Variants in ATF6 observed in about 807,000 individuals in gnomAD.
The protein encoded by ATF6 is cyclic AMP-dependent transcription factor ATF-6 alpha.
In ATF6, 53 loss-of-function variants were observed where a neutral mutation model predicts 83.6. That is an observed-to-expected ratio of 0.63 (90% CI 0.51 to 0.80). The LOEUF is 0.80. Among genes scored for constraint, ATF6 ranks in the 30% least tolerant of loss-of-function variants. ATF6 has a pLI of 0.00. For missense variants in ATF6, 744 were observed against 797.9 expected (o/e 0.93, Z 0.81); for synonymous variants, 288 against 285.8 (o/e 1.01, Z -0.08).
At chr1:161,813,735 A>T (rs1685532993) in intron 7 of ATF6, among the ~76,000 whole-genome samples, 1 of 152,012 alleles carries the variant, frequency 6.6e-6, no homozygotes, top group African/African-American at 2.4e-5. Context: ...AGGTGACGTG[A>T]TTTATTTTTA....
At chr1:161,939,586 T>C (rs1362222036) in intron 15 of ATF6, among the ~76,000 whole-genome samples, 2 of 152,242 alleles carry the variant, frequency 1.3e-5, no homozygotes, top group African/African-American at 4.8e-5. Context: ...GATAGCTTGT[T>C]AGTACTGGAG....
In ATF6 at chr1:161,821,052, T is replaced by A. The variant is rs775960355; in HGVS notation, c.1096-18T>A. On this transcript the variant is annotated intron_variant, in intron 8 of 15. Coordinates refer to ENST00000367942, the MANE Select transcript of ATF6 (RefSeq NM_007348.4). The stretch of plus-strand genomic sequence containing the variant: ...TCGATGTTAGTTTAATTGTATTTAA[T>A]GTGGTCATTTCCTTTAGAACCAGAG... 1.3e-6 allele frequency: 2 copies of A among 1,550,150 alleles called. No homozygotes were observed. The highest frequency in any genetic ancestry group is 1.8e-6 in the Non-Finnish European group (2 of 1,133,268).
chr1:161,902,108 T>C (rs1056131879), intron 14 of ATF6, among the ~76,000 whole-genome samples: 1 of 152,202 alleles, frequency 6.6e-6, no homozygotes, highest in African/African-American at 2.4e-5. Context: ...CTGTCAAGTA[T>C]TTTCTTTGAA....
At chr1:161,906,032 A>G (rs535386942) in intron 14 of ATF6, among the ~76,000 whole-genome samples, 6 of 152,126 alleles carry the variant, frequency 3.9e-5, no homozygotes, top group African/African-American at 1.4e-4. Context: ...ACGGGGTTTC[A>G]CCATGTTAGC....
rs545520006 is a variant in ATF6 at position 161,778,973 on chromosome 1, G to A, written c.159+653G>A. Among the ~76,000 whole-genome samples, 14 of 152,288 alleles carry A rather than the reference G, an allele frequency of 9.2e-5. No homozygotes were observed. In the South Asian group the frequency reaches 2.9e-3, roughly 32 times the overall value. Reference sequence around the variant, plus strand: ...GTGAGCAGAGTAATTTGTCAATCAGGTTGAATATCACATCATTTTAGGCTC... The same window carrying A: ...GTGAGCAGAGTAATTTGTCAATCAGATTGAATATCACATCATTTTAGGCTC... On this transcript the variant is annotated intron_variant, in intron 2 of 15. Coordinates refer to ENST00000367942, the MANE Select transcript of ATF6 (RefSeq NM_007348.4).
intron 12 of ATF6, among the ~76,000 whole-genome samples, chr1:161,858,336 A>AT (rs897817073): frequency 3.3e-5 from 5 of 152,222 alleles, no homozygotes; most frequent in African/African-American, 7.2e-5. Flanking sequence ...TTCAAACTAG[A>AT]TTTTTTTAAA....
rs1036919144 is a variant in ATF6 at position 161,846,489 on chromosome 1, A to G, written c.1228A>G (p.Ser410Gly). Residue 410 changes from serine (S) to glycine (G), a missense_variant, in exon 10 of 16, where the codon AGC (serine) becomes GGC (glycine). Coordinates refer to ENST00000367942, the MANE Select transcript of ATF6 (RefSeq NM_007348.4). ...TTCCAGGAGAATGAACCCTAGTGTG[A>G]GCCCTGCAAATCAAAGGAGGCACCT... ...QDSRRMNPSVSPANQRRHLLG... is the reference protein window; with the variant it reads ...QDSRRMNPSVGPANQRRHLLG... 3 of 1,611,034 alleles carry G rather than the reference A, an allele frequency of 1.9e-6. No homozygotes were observed. In the African/African-American group the frequency reaches 4.0e-5, roughly 22 times the overall value.
intron 4 of ATF6, among the ~76,000 whole-genome samples, chr1:161,785,709 A>G (rs1036064621): frequency 2.0e-5 from 3 of 152,122 alleles, no homozygotes; most frequent in Non-Finnish European, 4.4e-5. Context: ...ATATATTTCA[A>G]GAGGTGGGAT....
chr1:161,860,091 T>G (rs532848248), intron 12 of ATF6, 116 bp from the exon 13 acceptor site: 2 of 547,974 alleles, frequency 3.6e-6, no homozygotes, highest in African/African-American at 1.9e-5. Context: ...ACTGAATATG[T>G]CAGAAATCTT....
intron 9 of ATF6, among the ~76,000 whole-genome samples, chr1:161,822,086 A>G (rs926097282): frequency 1.1e-4 from 16 of 152,206 alleles, no homozygotes; most frequent in African/African-American, 3.9e-4. Context: ...AGTTTTATGA[A>G]GAAAGACAAT....
chr1:161,770,586 T>C (rs1246749672), intron 1 of ATF6, among the ~76,000 whole-genome samples: 2 of 152,170 alleles, frequency 1.3e-5, no homozygotes, highest in African/African-American at 4.8e-5. Context: ...GTGCCCCACT[T>C]TAATGACCTC....
chr1:161,851,823 CAG>C lies in ATF6; in HGVS notation c.1424_1425del (p.Glu475ValfsTer7). On this transcript the variant is annotated frameshift_variant, in exon 11 of 16. Transcript: ENST00000367942. LOFTEE classifies it high-confidence loss of function. Reference sequence around the variant, plus strand: ...CCTTGTCAGCCCCTAATTAACACAACAGAGTCTCTCAGGTGAGTGTTGTAGAT... The same window carrying C: ...CCTTGTCAGCCCCTAATTAACACAACAGTCTCTCAGGTGAGTGTTGTAGAT... 1 of 1,611,538 alleles carries C rather than the reference CAG, an allele frequency of 6.2e-7. No individual in the cohort carries two copies. Among genetic ancestry groups the C allele is most frequent in the Non-Finnish European group, 8.5e-7 (1 of 1,177,722 alleles).
chr1:161,936,085 T>C (rs1005540241), intron 15 of ATF6, among the ~76,000 whole-genome samples: 1 of 152,204 alleles, frequency 6.6e-6, no homozygotes, highest in African/African-American at 2.4e-5. Flanking sequence ...AAATACAGTT[T>C]CTTCATTTGC....
At chr1:161,851,252 AC>A (rs879605703) in intron 10 of ATF6, among the ~76,000 whole-genome samples, 68,553 of 147,700 alleles carry the variant, frequency 0.46, 20,533 homozygotes, top group Middle Eastern at 0.65. Context: ...ACACACACAC[AC>A]ACACACACAC....
Position 161,962,079 on chromosome 1 carries a change from A to G in ATF6, c.*3425A>G, listed in dbSNP as rs1342561062. 6.6e-6 allele frequency: 1 copy of G among 152,146 alleles called. No individual in the cohort carries two copies. Among genetic ancestry groups the G allele is most frequent in the Non-Finnish European group, 1.5e-5 (1 of 68,014 alleles). The allele number at this position is 152,146 out of a possible 1,614,324, so 9.4% of individuals were successfully genotyped here. A position where few individuals can be genotyped will look rare whatever the true frequency, so the allele number is the denominator to read the frequency against. On this transcript the variant is annotated 3_prime_UTR_variant, in exon 16 of 16. Coordinates refer to ENST00000367942, the MANE Select transcript of ATF6 (RefSeq NM_007348.4). The stretch of plus-strand genomic sequence containing the variant: ...AGTTTTGGGTGGGATTTGTGTTTTC[A>G]CAAGTAAAAAATCCCTCACGATTAT...
intron 1 of ATF6, among the ~76,000 whole-genome samples, chr1:161,772,698 T>C (rs1272042938): frequency 6.6e-6 from 1 of 151,762 alleles, no homozygotes; most frequent in Admixed American, 6.6e-5. Flanking sequence ...TGTCAGTAAA[T>C]GAACATGTTG....
intron 6 of ATF6, among the ~76,000 whole-genome samples, chr1:161,801,578 CCTT>C (rs1314713623): frequency 1.3e-5 from 2 of 151,634 alleles, no homozygotes; most frequent in Admixed American, 6.6e-5. Context: ...GCCTGTAGCT[CCTT>C]CTTCTTCTAA....
At position 161,766,410 on chromosome 1, in the gene ATF6, C is replaced by T; in HGVS notation, c.50C>T (p.Pro17Leu). The T allele has an allele frequency of 1.2e-6, 2 of 1,613,344 alleles. No individual in the cohort carries two copies. Among genetic ancestry groups the T allele is most frequent in the Non-Finnish European group, 8.5e-7 (1 of 1,179,654 alleles). Residue 17 changes from proline (P) to leucine (L), a missense_variant, in exon 1 of 16, where the codon CCG (proline) becomes CTG (leucine). By Grantham distance (98) the Pro-to-Leu change is moderately conservative. Transcript: ENST00000367942. ...GGCACCATGGAGTCACCTTTTAGCCCGGGACTCTTTCACAGGCTGGATGAA... is the reference window on the plus strand; with the variant it reads ...GGCACCATGGAGTCACCTTTTAGCCTGGGACTCTTTCACAGGCTGGATGAA... ...VAGTMESPFS[P>L]GLFHRLDEDW...
At chr1:161,768,787 C>T (rs1036442826) in intron 1 of ATF6, among the ~76,000 whole-genome samples, 9 of 152,040 alleles carry the variant, frequency 5.9e-5, no homozygotes, top group African/African-American at 2.2e-4. Flanking sequence ...GTTGCCCAGA[C>T]TGGTCTCCAA....
Sources: allele counts gnomAD v4.1 joint callset (sites outside exome capture counted in the v4.1 genomes callset), GRCh38; gene constraint gnomAD v4.1.1; transcripts MANE v1.5; gene names NCBI Gene and HGNC (gene_info 2026-07-23, HGNC 2026-07-21).